DNAH9: variants seen among roughly 807,000 people sequenced by gnomAD.
DNAH9 encodes DNAH9 variant protein.
DNAH9 carries 345 observed loss-of-function variants against 471.6 expected under a neutral mutation model. The ratio of observed to expected loss-of-function variants is 0.73; its 90% CI spans 0.67 to 0.80. The LOEUF (loss-of-function observed/expected upper bound fraction) is 0.80, where lower values mean the gene tolerates loss of function less well. Among genes scored for constraint, DNAH9 ranks in the 30% least tolerant of loss-of-function variants. DNAH9 has a pLI of 0.00. For missense variants in DNAH9, 5,407 were observed against 5,609.2 expected (o/e 0.96, Z 1.15); for synonymous variants, 2,093 against 2,123.6 (o/e 0.99, Z 0.40).
chr17:11,810,247 T>C lies in DNAH9; in HGVS notation c.8585T>C (p.Met2862Thr). Residue 2862 changes from methionine (M) to threonine (T), a missense_variant and splice_region_variant, in exon 45 of 69, where the codon ATG becomes ACG. Met to Thr is a moderately conservative substitution (Grantham distance 81, BLOSUM62 -1). Around this residue, in one of 3 missense-constraint regions of DNAH9, gnomAD observed 4,636 missense variants for 4,900.3 expected, o/e 0.95. Transcript: ENST00000262442. ...TTCTGATATTGACCATTCCTACAGATGGACCTGGCCAGCCTGTGTCTGAAA... is the reference window on the plus strand; with the variant it reads ...TTCTGATATTGACCATTCCTACAGACGGACCTGGCCAGCCTGTGTCTGAAA... ...RKGYQIQDFK[M>T]DLASLCLKAG... is the part of the protein sequence containing the mutation. The C allele has an allele frequency of 6.2e-7, 1 of 1,611,100 alleles. No homozygotes were observed.
chr17:11,855,652 A>G (rs1215917140), intron 50 of DNAH9, among the ~76,000 whole-genome samples: 1 of 152,232 alleles, frequency 6.6e-6, no homozygotes, highest in African/African-American at 2.4e-5. Flanking sequence ...CTATAATCAC[A>G]TTACCTTAAG....
intron 38 of DNAH9, among the ~76,000 whole-genome samples, chr17:11,777,599 C>T (rs1968487301): frequency 6.6e-6 from 1 of 152,188 alleles, no homozygotes; most frequent in Admixed American, 6.5e-5. Flanking sequence ...ATTCTCTTGC[C>T]ATTTGCATTA....
intron 12 of DNAH9, among the ~76,000 whole-genome samples, chr17:11,649,127 CAA>C (rs34813249): frequency 8.2e-4 from 102 of 124,670 alleles, no homozygotes; most frequent in Middle Eastern, 8.5e-3. Flanking sequence ...AACTCCATCT[CAA>C]AAAAAAAAAA....
chr17:11,599,817 G>A (rs2072347190), intron 1 of DNAH9, among the ~76,000 whole-genome samples: 1 of 152,210 alleles, frequency 6.6e-6, no homozygotes, highest in African/African-American at 2.4e-5. Context: ...TGATGGTTCA[G>A]GTGATAGGTG....
Position 11,930,014 on chromosome 17 carries a change from A to C in DNAH9, c.12026A>C (p.Glu4009Ala), listed in dbSNP as rs748448396. Residue 4009 changes from glutamate (E) to alanine (A), a missense_variant, in exon 63 of 69, where the codon GAG becomes GCG. By Grantham distance (107) the Glu-to-Ala change is moderately radical. This residue lies in a region of DNAH9 where 4,636 missense variants were observed against 4,900.3 expected (regional missense o/e 0.95). Transcript: ENST00000262442. ...EGHIIPQGIL[E>A]NSIKITNEPP... Reference sequence around the variant, plus strand: ...CACATCATCCCCCAGGGCATCCTGGAGAACTCCATTAAGATCACCAATGAG... The same window carrying C: ...CACATCATCCCCCAGGGCATCCTGGCGAACTCCATTAAGATCACCAATGAG... The C allele has an allele frequency of 5.0e-5, 81 of 1,614,026 alleles. No individual in the cohort carries two copies. Among genetic ancestry groups the C allele is most frequent in the Non-Finnish European group, 6.6e-5 (78 of 1,180,016 alleles).
At chr17:11,616,053 A>T (rs1217668611) in intron 4 of DNAH9, among the ~76,000 whole-genome samples, 1 of 151,296 alleles carries the variant, frequency 6.6e-6, no homozygotes, top group Non-Finnish European at 1.5e-5. Flanking sequence ...ACATATCAAC[A>T]TATTTTTGTG....
chr17:11,709,374 A>G (rs1184329497), intron 26 of DNAH9, among the ~76,000 whole-genome samples: 1 of 152,186 alleles, frequency 6.6e-6, no homozygotes, highest in Non-Finnish European at 1.5e-5. Flanking sequence ...GACTTCCATT[A>G]TTATCTCAAG....
At chr17:11,861,625 GT>G (rs1331186127) in intron 50 of DNAH9, among the ~76,000 whole-genome samples, 1 of 150,352 alleles carries the variant, frequency 6.7e-6, no homozygotes, top group African/African-American at 2.4e-5. Flanking sequence ...GGTTGAACTA[GT>G]TTACAGTCCC....
At chr17:11,961,296 T>C (rs993849794) in intron 67 of DNAH9, among the ~76,000 whole-genome samples, 6 of 152,100 alleles carry the variant, frequency 3.9e-5, no homozygotes, top group African/African-American at 9.7e-5. Context: ...GCCTGGGCAA[T>C]AGAGTGAGAC....
In DNAH9 at chr17:11,680,873, A is replaced by T; in HGVS notation, c.3727A>T (p.Lys1243Ter). The T allele has an allele frequency of 3.1e-6, 5 of 1,612,004 alleles. No individual in the cohort carries two copies. Among genetic ancestry groups the T allele is most frequent in the Non-Finnish European group, 4.2e-6 (5 of 1,179,194 alleles). Residue 1243 changes from lysine to a stop codon, truncating the protein, a stop_gained, in exon 19 of 69, where the codon AAA (lysine) becomes TAA (stop). Transcript: ENST00000262442. LOFTEE classifies it high-confidence loss of function. ...EQQQFWEQFH[K>*]EAPFRFDSIH... ...GCAGCAATTCTGGGAGCAATTCCACAAAGAAGCCCCGTTCAGGTATGGGCC... is the reference window on the plus strand; with the variant it reads ...GCAGCAATTCTGGGAGCAATTCCACTAAGAAGCCCCGTTCAGGTATGGGCC...
intron 15 of DNAH9, among the ~76,000 whole-genome samples, chr17:11,668,672 A>G (rs961161269): frequency 6.6e-6 from 1 of 150,664 alleles, no homozygotes; most frequent in Non-Finnish European, 1.5e-5. Context: ...CTCAAAAAAA[A>G]AAAAAAAAAA....
chr17:11,776,105 C>T (rs1390966928), intron 38 of DNAH9, among the ~76,000 whole-genome samples: 1 of 152,126 alleles, frequency 6.6e-6, no homozygotes, highest in Non-Finnish European at 1.5e-5. Context: ...AAGGGCTTTC[C>T]TCACCTTAGT....
chr17:11,800,106 C>G (rs1054822821), intron 43 of DNAH9, among the ~76,000 whole-genome samples: 1 of 152,184 alleles, frequency 6.6e-6, no homozygotes, highest in East Asian at 1.9e-4. Context: ...AAACTCCCAG[C>G]GCCTTATTCC....
At chr17:11,959,924 T>C (rs899900438) in intron 67 of DNAH9, among the ~76,000 whole-genome samples, 31 of 152,238 alleles carry the variant, frequency 2.0e-4, no homozygotes, top group Non-Finnish European at 1.2e-4. Context: ...ATTAGGGATA[T>C]TGGTCTTTTC....
intron 39 of DNAH9, among the ~76,000 whole-genome samples, chr17:11,782,651 C>A (rs1847905547): frequency 6.6e-6 from 1 of 152,176 alleles, no homozygotes; most frequent in East Asian, 1.9e-4. Flanking sequence ...AATCCCAGCA[C>A]TTTGGGAGGC....
At position 11,717,895 on chromosome 17, in the gene DNAH9, A is replaced by T. The variant is rs148844888; in HGVS notation, c.5553-1439A>T. 4.0e-3 allele frequency among the ~76,000 whole-genome samples: 612 copies of T among 152,232 alleles called. 4 individuals are homozygous for T. The highest frequency in any genetic ancestry group is 6.8e-3 in the Middle Eastern group (2 of 294). On this transcript the variant is annotated intron_variant, in intron 26 of 68. Coordinates refer to ENST00000262442, the MANE Select transcript of DNAH9 (RefSeq NM_001372.4). The stretch of plus-strand genomic sequence containing the variant: ...GACAACATATAATCTCTTTTTTGAG[A>T]CAGGGTTTCACTGTGTCACCCAGGC...
intron 31 of DNAH9, 143 bp downstream of exon 31, chr17:11,745,227 C>T (rs1437028241): frequency 1.4e-6 from 1 of 708,720 alleles, no homozygotes; most frequent in Non-Finnish European, 2.3e-6. Context: ...TCATTTCAAC[C>T]ACTCTTAACT....
chr17:11,951,054 G>A (rs910661313), intron 67 of DNAH9, among the ~76,000 whole-genome samples: 1 of 152,156 alleles, frequency 6.6e-6, no homozygotes, highest in African/African-American at 2.4e-5. Context: ...ACATTCACAT[G>A]TGCAGTATCT....
At chr17:11,781,358 A>G (rs1032627711) in intron 39 of DNAH9, among the ~76,000 whole-genome samples, 184 bp downstream of exon 39, 12 of 152,252 alleles carry the variant, frequency 7.9e-5, no homozygotes, top group African/African-American at 2.9e-4. Context: ...TTCAAACAGG[A>G]GCACTAATAT....
Sources: gnomAD v4.1 joint callset for allele counts (sites outside exome capture counted in the v4.1 genomes callset) on GRCh38, gnomAD v4.1.1 for gene constraint, gnomAD v4.1.1 regional missense constraint, MANE v1.5 for transcripts, NCBI Gene and HGNC (gene_info 2026-07-23, HGNC 2026-07-21) for gene names.